Variants in ST18 observed in about 807,000 individuals in gnomAD.
ST18 encodes the protein suppression of tumorigenicity 18 protein.
In ST18, 50 loss-of-function variants were observed where a neutral mutation model predicts 110.0. The observed-to-expected ratio is 0.45, with a 90% confidence interval of 0.36 to 0.58. The LOEUF (loss-of-function observed/expected upper bound fraction) is 0.58. ST18 is among the 20% of genes least tolerant of loss of function. The probability of loss-of-function intolerance (pLI) is 0.00; values close to 1 mark genes in which losing one functional copy is unlikely to be tolerated. For missense variants in ST18, 1,306 were observed against 1,280.1 expected, an observed-to-expected ratio of 1.02 and a Z score of -0.31; for synonymous variants, 461 against 452.4, an observed-to-expected ratio of 1.02 and a Z score of -0.24.
rs2075470773 is a variant in ST18, at chr8:52,194,199, A to AG, written c.87-13888dup. Reference sequence around the variant, plus strand: ...AAAGATACAATTTAATAACAACGAGAGGAGTAACAGGAAATTTCCTCTGAA... The same window carrying AG: ...AAAGATACAATTTAATAACAACGAGAGGGAGTAACAGGAAATTTCCTCTGAA... On this transcript the variant is annotated intron_variant, in intron 8 of 25. Transcript: ENST00000689386. Among the ~76,000 whole-genome samples the AG allele has an allele frequency of 3.9e-5, 6 of 152,346 alleles. No individual in the cohort carries two copies. In the South Asian group the frequency reaches 1.2e-3, roughly 32 times the overall value.
chr8:52,239,050 G>T (rs111234845), intron 2 of ST18, among the ~76,000 whole-genome samples: 1,775 of 152,220 alleles, frequency 0.012, 39 homozygotes, highest in African/African-American at 0.041. Flanking sequence ...AAACATGGAT[G>T]AGCCTTGAAA....
intron 14 of ST18, among the ~76,000 whole-genome samples, chr8:52,160,492 G>A (rs1327581867): frequency 6.6e-6 from 1 of 152,170 alleles, no homozygotes; most frequent in African/African-American, 2.4e-5. Flanking sequence ...AGTTTCCATA[G>A]CCTGGTGCAA....
intron 8 of ST18, among the ~76,000 whole-genome samples, chr8:52,203,386 T>C (rs2078702841): frequency 6.6e-6 from 1 of 152,128 alleles, no homozygotes; most frequent in Non-Finnish European, 1.5e-5. Context: ...TGCCAACCTT[T>C]GTACCATAGA....
chr8:52,130,164 A>AAAGAAAGAAAGAAAGAAAGAG (rs1563565042), intron 22 of ST18, among the ~76,000 whole-genome samples: 6 of 122,828 alleles, frequency 4.9e-5, no homozygotes, highest in African/African-American at 1.6e-4. Flanking sequence ...AGAAAGAAAG[A>AAAGAAAGAAAGAAAGAAAGAG]AAAAGAAAAG....
rs1356367328 is a variant in ST18, at chr8:52,110,916, A to T, written c.*2282T>A. The T allele has an allele frequency of 7.6e-6, 3 of 395,776 alleles. No individual in the cohort carries two copies. The highest frequency in any genetic ancestry group is 1.3e-5 in the Non-Finnish European group (3 of 224,142). The allele number at this position is 395,776 out of a possible 1,614,324, so 24.5% of individuals were successfully genotyped here. A position where few individuals can be genotyped will look rare whatever the true frequency, so the allele number is the denominator to read the frequency against. The stretch of plus-strand genomic sequence containing the variant: ...ATTTTGTTGCTTTGATGTAAGAAAT[A>T]TTAAGTGTTTGGAGAAACAGTATAC... On this transcript the variant is annotated 3_prime_UTR_variant, in exon 26 of 26. Transcript: ENST00000689386.
At chr8:52,127,992 C>T (rs570063804) in intron 22 of ST18, among the ~76,000 whole-genome samples, 3 of 149,736 alleles carry the variant, frequency 2.0e-5, no homozygotes, top group South Asian at 2.1e-4. Context: ...TTTTTTGAGG[C>T]GGGGTCTCAC....
intron 8 of ST18, among the ~76,000 whole-genome samples, chr8:52,192,430 A>G (rs940006811): frequency 3.9e-5 from 6 of 152,226 alleles, no homozygotes; most frequent in Non-Finnish European, 7.3e-5. Flanking sequence ...TCCCTGGACC[A>G]AGGAACCCAC....
intron 8 of ST18, among the ~76,000 whole-genome samples, chr8:52,209,610 A>C (rs1387542286): frequency 6.6e-6 from 1 of 151,762 alleles, no homozygotes; most frequent in Non-Finnish European, 1.5e-5. Flanking sequence ...GTCTCTACTA[A>C]AAATACAAAA....
At chr8:52,322,469 T>C (rs1163881676) in intron 2 of ST18, among the ~76,000 whole-genome samples, 1 of 152,224 alleles carries the variant, frequency 6.6e-6, no homozygotes, top group African/African-American at 2.4e-5. Flanking sequence ...GACCGACTTG[T>C]TTACATCAGA....
chr8:52,377,772 A>G (rs1253541402), intron 2 of ST18, among the ~76,000 whole-genome samples: 12 of 152,190 alleles, frequency 7.9e-5, no homozygotes, highest in African/African-American at 2.9e-4. Context: ...GAGAAAGGAA[A>G]TCAGTATTTC....
At chr8:52,133,490 T>G (rs972774860) in intron 19 of ST18, among the ~76,000 whole-genome samples, 189 bp from the exon 20 acceptor site, 6 of 152,154 alleles carry the variant, frequency 3.9e-5, no homozygotes, top group African/African-American at 1.4e-4. Context: ...GTGAGACTGT[T>G]TTTGCTTAAA....
chr8:52,320,529 C>A (rs748756092), intron 2 of ST18, among the ~76,000 whole-genome samples: 1 of 152,170 alleles, frequency 6.6e-6, no homozygotes, highest in African/African-American at 2.4e-5. Context: ...CACACACATA[C>A]AACCTAATTT....
In ST18 at chr8:52,158,990, T is replaced by A. The variant is rs750967283; in HGVS notation, c.1714A>T (p.Ile572Leu). The change falls in exon 15 of 26, where the codon ATA becomes TTA. Residue 572 changes from isoleucine to leucine, a missense_variant. Ile to Leu is a conservative substitution (Grantham distance 5). Coordinates refer to ENST00000689386, the MANE Select transcript of ST18 (RefSeq NM_001352837.2). ...SYGQCSEDTH[I>L]AAAAAILNLS... ...TTCAGGATGGCAGCAGCTGCTGCTATGTGGGTGTCTTCACTACATTGACCG... is the reference window on the plus strand; with the variant it reads ...TTCAGGATGGCAGCAGCTGCTGCTAAGTGGGTGTCTTCACTACATTGACCG... 6.2e-7 allele frequency: 1 copy of A among 1,613,998 alleles called. No homozygotes were observed. The highest frequency in any genetic ancestry group is 8.5e-7 in the Non-Finnish European group (1 of 1,179,980).
chr8:52,310,388 TTTTATTCC>T (rs111456265), intron 2 of ST18, among the ~76,000 whole-genome samples: 50,946 of 151,596 alleles, frequency 0.34, 8,645 homozygotes, highest in Middle Eastern at 0.49. Flanking sequence ...CTACTGTGTC[TTTTATTCC>T]TTTATTCCCC....
chr8:52,312,426 A>G (rs1038638016), intron 2 of ST18, among the ~76,000 whole-genome samples: 1 of 152,202 alleles, frequency 6.6e-6, no homozygotes, highest in Non-Finnish European at 1.5e-5. Context: ...ACGATAAATC[A>G]AAAAACAATC....
chr8:52,238,072 G>A (rs1035765794), intron 2 of ST18, among the ~76,000 whole-genome samples: 5 of 152,172 alleles, frequency 3.3e-5, no homozygotes, highest in Admixed American at 1.3e-4. Flanking sequence ...AGCAAGTGTC[G>A]ATGAGGATGT....
At chr8:52,125,394 CACACACACACAT>C (rs1333821171) in intron 23 of ST18, among the ~76,000 whole-genome samples, 6 of 133,120 alleles carry the variant, frequency 4.5e-5, no homozygotes, top group Non-Finnish European at 9.1e-5. Context: ...CACGTACACA[CACACACACACAT>C]ACACACACAC....
intron 22 of ST18, among the ~76,000 whole-genome samples, chr8:52,130,830 T>A (rs2049285047): frequency 1.3e-5 from 2 of 152,360 alleles, no homozygotes; most frequent in South Asian, 4.1e-4. Flanking sequence ...AATATTTCAT[T>A]AGCAGTATCA....
intron 8 of ST18, among the ~76,000 whole-genome samples, chr8:52,211,785 C>G (rs1395108576): frequency 6.6e-6 from 1 of 152,152 alleles, no homozygotes; most frequent in Non-Finnish European, 1.5e-5. Context: ...CAACCGCATG[C>G]AAGGTGTGCA....
Sources: allele counts gnomAD v4.1 joint callset (sites outside exome capture counted in the v4.1 genomes callset), GRCh38; gene constraint gnomAD v4.1.1; transcripts MANE v1.5; gene names NCBI Gene and HGNC (gene_info 2026-07-23, HGNC 2026-07-21).